Variants in NME3 observed in about 807,000 individuals in gnomAD.
The protein encoded by NME3 is NME/NM23 nucleoside diphosphate kinase 3.
Under a neutral mutation model 15.8 loss-of-function variants are expected in NME3, and 23 were observed. The observed-to-expected ratio is 1.45, with a 90% CI of 1.05 to 2.06. The LOEUF is 2.06. Ranked by LOEUF, NME3 falls within the 30% of genes most tolerant of loss-of-function variation. The pLI, the probability that NME3 is intolerant of heterozygous loss-of-function variation, is 0.00. For synonymous variants in NME3, 157 were observed against 104.4 expected (o/e 1.50, Z -3.07); for missense variants, 354 against 243.2 (o/e 1.46, Z -3.03).
chr16:1,770,394 G>C lies in NME3; in HGVS notation c.*255C>G, dbSNP rs1000080954. 1.2e-5 allele frequency: 5 copies of C among 410,100 alleles called. No individual in the cohort carries two copies. The highest frequency in any genetic ancestry group is 2.2e-5 in the Non-Finnish European group (5 of 231,606). The allele number at this position is 410,100 out of a possible 1,614,324, so 25.4% of individuals were successfully genotyped here. ...AAAAACGTTGGACCACGTTGGGCTG[G>C]GCACCAGGACAGTGTCCTGGCACGT... On this transcript the variant is annotated 3_prime_UTR_variant, in exon 5 of 5. Transcript: ENST00000219302.
intron 2 of NME3, 24 bp from the exon 3 acceptor site, chr16:1,771,195 C>A: frequency 1.3e-6 from 2 of 1,581,198 alleles, no homozygotes; most frequent in Non-Finnish European, 1.7e-6. Flanking sequence ...AGGCCGCCTG[C>A]GCCCGCACCC....
rs755623916 is a variant in NME3, at chr16:1,771,502, G to A, written c.33C>T (p.Asn11=). 4.8e-5 allele frequency: 63 copies of A among 1,309,132 alleles called. No individual in the cohort carries two copies. In the South Asian group the frequency reaches 8.2e-4, roughly 17 times the overall value. The allele number at this position is 1,309,132 out of a possible 1,614,324, so 81.1% of individuals were successfully genotyped here. The change falls in exon 1 of 5, where the codon AAC becomes AAT. Residue 11 remains asparagine, a synonymous_variant. Coordinates refer to ENST00000219302, the MANE Select transcript of NME3 (RefSeq NM_002513.3). ...CGCGCGGCTCACCCGCGGGGAAGAG[G>A]TTAGCGAAGATGGTCAGCACCAGGC... MICLVLTIFA[N]LFPAACTGAH... is the part of the protein sequence containing the mutation.
chr16:1,770,783 C>T lies in NME3; in HGVS notation c.393-17G>A. 3 of 1,596,188 alleles carry T rather than the reference C, an allele frequency of 1.9e-6. No homozygotes were observed. Among genetic ancestry groups the T allele is most frequent in the Non-Finnish European group, 2.6e-6 (3 of 1,170,814 alleles). On this transcript the variant is annotated splice_polypyrimidine_tract_variant and intron_variant, in intron 4 of 4. Transcript: ENST00000219302. ...ATCAGGTTCCTGCGCGGAAGAGGCG[C>T]GTGTGAGCGTGGGAAAGAGACCTCC...
In NME3 at chr16:1,770,569, G is replaced by A. The variant is rs1422409513; in HGVS notation, c.*80C>T. 2.8e-6 allele frequency: 3 copies of A among 1,079,844 alleles called. No individual in the cohort carries two copies. The African/African-American group carries it at 4.7e-5, about 17-fold the overall frequency. 66.9% of individuals were successfully genotyped at this position (1,079,844 alleles called of 1,614,324 possible). On this transcript the variant is annotated 3_prime_UTR_variant, in exon 5 of 5. Coordinates refer to ENST00000219302, the MANE Select transcript of NME3 (RefSeq NM_002513.3). ...TCCAAAGGGATGCTCCAAGCGCTGT[G>A]GGGTGGGGCCAGAAGCCCGCCCACC...
chr16:1,771,417 G>A lies in NME3; in HGVS notation c.47-7C>T. The A allele has an allele frequency of 2.6e-6, 4 of 1,533,724 alleles. No homozygotes were observed. Among genetic ancestry groups the A allele is most frequent in the East Asian group, 5.1e-5 (2 of 39,570 alleles). ...TCGTGTGCGCCGGTGCAGGCTGCGG[G>A]GCAGGCGGGGACGGGCCGTCAGGCC... is the stretch of plus-strand genomic sequence containing the variant. On this transcript the variant is annotated splice_polypyrimidine_tract_variant and splice_region_variant and intron_variant, in intron 1 of 4. Coordinates refer to ENST00000219302, the MANE Select transcript of NME3 (RefSeq NM_002513.3).
chr16:1,771,049 GCCCGCTT>G lies in NME3; in HGVS notation c.279+14_279+20del. On this transcript the variant is annotated intron_variant, in intron 3 of 4. Transcript: ENST00000219302. ...GGGGGTGGGGGTCCCGGAGCCGCCCGCCCGCTTCCCGGATACTCACCATGGCCACCAC... is the reference window on the plus strand; with the variant it reads ...GGGGGTGGGGGTCCCGGAGCCGCCCGCCCGGATACTCACCATGGCCACCAC... 6.3e-7 allele frequency: 1 copy of G among 1,598,840 alleles called. No homozygotes were observed. Among genetic ancestry groups the G allele is most frequent in the East Asian group, 2.3e-5 (1 of 44,382 alleles).
At position 1,771,142 on chromosome 16, in the gene NME3, G is replaced by T. The variant is rs963531975; in HGVS notation, c.207C>A (p.Tyr69Ter). Residue 69 changes from tyrosine to a stop codon, truncating the protein, a stop_gained, in exon 3 of 5, where the codon TAC (tyrosine) becomes TAA (stop). Transcript: ENST00000219302. LOFTEE classifies it high-confidence loss of function. Reference protein sequence around the residue: ...QASEELLREHYAELRERPFYG... With the variant: ...QASEELLREH The stretch of plus-strand genomic sequence containing the variant: ...AGAACGGGCGTTCACGCAGCTCGGC[G>T]TAGTGCTCACGCAGCAGCTCCTCGG... The T allele has an allele frequency of 2.5e-6, 4 of 1,607,436 alleles. No homozygotes were observed. The South Asian group carries it at 4.4e-5, about 18-fold the overall frequency.
chr16:1,770,927 C>A lies in NME3; in HGVS notation c.346G>T (p.Ala116Ser). 1 of 1,587,638 alleles carries A rather than the reference C, an allele frequency of 6.3e-7. No individual in the cohort carries two copies. Among genetic ancestry groups the A allele is most frequent in the South Asian group, 1.1e-5 (1 of 88,910 alleles). The change falls in exon 4 of 5, where the codon GCC (alanine) becomes TCC (serine). Residue 116 changes from alanine to serine, a missense_variant. Ala to Ser is a moderately conservative substitution (Grantham distance 99, BLOSUM62 1). Transcript: ENST00000219302. ...TCCCCGCGGATGGTGCCGGGCGGGG[C>A]GTCGGCCGGGTTCGTGGCTCCGATG... ...ALIGATNPAD[A>S]PPGTIRGDFC... is the part of the protein sequence containing the mutation.
rs1159771158 is a variant in NME3, at chr16:1,771,282, G to T, written c.175C>A (p.Gln59Lys). The T allele has an allele frequency of 6.2e-7, 1 of 1,602,162 alleles. No individual in the cohort carries two copies. Among genetic ancestry groups the T allele is most frequent in the Non-Finnish European group, 8.5e-7 (1 of 1,177,086 alleles). ...GFKLVALKLVQASEELLREHY... is the reference protein window; with the variant it reads ...GFKLVALKLVKASEELLREHY... ...CCGCTCGCTCACCGCGCCCCCACCT[G>T]CACCAGCTTCAGCGCCACCAACTTG... Residue 59 changes from glutamine (Q) to lysine (K), a missense_variant and splice_region_variant, in exon 2 of 5, where the codon CAG becomes AAG. Coordinates refer to ENST00000219302, the MANE Select transcript of NME3 (RefSeq NM_002513.3).
At chr16:1,770,842 G>T in intron 4 of NME3, 39 bp downstream of exon 4, 3 of 1,569,088 alleles carry the variant, frequency 1.9e-6, no homozygotes, top group Non-Finnish European at 1.7e-6. Flanking sequence ...ACAGGGGGAG[G>T]CCGGACGGGG....
Position 1,770,373 on chromosome 16 carries a change from A to G in NME3, c.*276T>C, listed in dbSNP as rs1255042612. ...AAAACGAGGACTTTATTATAAAAAA[A>G]CGTTGGACCACGTTGGGCTGGGCAC... On this transcript the variant is annotated 3_prime_UTR_variant, in exon 5 of 5. Coordinates refer to ENST00000219302, the MANE Select transcript of NME3 (RefSeq NM_002513.3). The G allele has an allele frequency of 2.6e-6, 1 of 388,526 alleles. No homozygotes were observed. The highest frequency in any genetic ancestry group is 2.1e-5 in the African/African-American group (1 of 48,306). 24.1% of individuals were successfully genotyped at this position (388,526 alleles called of 1,614,324 possible).
chr16:1,771,368 G>A lies in NME3; in HGVS notation c.89C>T (p.Pro30Leu), dbSNP rs760947468. The change falls in exon 2 of 5, where the codon CCG becomes CTG. Residue 30 changes from proline (P) to leucine (L), a missense_variant. Coordinates refer to ENST00000219302, the MANE Select transcript of NME3 (RefSeq NM_002513.3). Reference sequence around the variant, plus strand: ...CACCAGCCGCCGCTGCACGCCGTCCGGCTTCACGGCCAGGAAGGTGCGTTC... The same window carrying A: ...CACCAGCCGCCGCTGCACGCCGTCCAGCTTCACGGCCAGGAAGGTGCGTTC... ...AHERTFLAVK[P>L]DGVQRRLVGE... 12 of 1,576,696 alleles carry A rather than the reference G, an allele frequency of 7.6e-6. No individual in the cohort carries two copies. Among genetic ancestry groups the A allele is most frequent in the Non-Finnish European group, 1.0e-5 (12 of 1,162,770 alleles).
At position 1,771,029 on chromosome 16, in the gene NME3, T is replaced by G. The variant is rs1032796957; in HGVS notation, c.280-36A>C. ...GAACGGGCGCGGTATCACGCGGGGG[T>G]GGGGGTCCCGGAGCCGCCCGCCCGC... On this transcript the variant is annotated intron_variant, in intron 3 of 4. Coordinates refer to ENST00000219302, the MANE Select transcript of NME3 (RefSeq NM_002513.3). 4 of 1,593,492 alleles carry G rather than the reference T, an allele frequency of 2.5e-6. No homozygotes were observed. The African/African-American group carries it at 5.4e-5, about 21-fold the overall frequency.
rs754038407 is a variant in NME3 at position 1,771,304 on chromosome 16, C to T, written c.153G>A (p.Lys51=). Reference sequence around the variant, plus strand: ...CCTGCACCAGCTTCAGCGCCACCAACTTGAAGCCCTTCCTCTCGAAGCGCC... The same window carrying T: ...CCTGCACCAGCTTCAGCGCCACCAATTTGAAGCCCTTCCTCTCGAAGCGCC... ...IVRRFERKGF[K]LVALKLVQAS... Residue 51 remains lysine (K), a synonymous_variant, in exon 2 of 5, where the codon AAG becomes AAA. Transcript: ENST00000219302. 1 of 1,606,434 alleles carries T rather than the reference C, an allele frequency of 6.2e-7. No homozygotes were observed. The highest frequency in any genetic ancestry group is 8.5e-7 in the Non-Finnish European group (1 of 1,177,996).
At position 1,771,443 on chromosome 16, in the gene NME3, G is replaced by A. The variant is rs1281873568; in HGVS notation, c.47-33C>T. 3 of 1,404,200 alleles carry A rather than the reference G, an allele frequency of 2.1e-6. No homozygotes were observed. The African/African-American group carries it at 4.6e-5, about 21-fold the overall frequency. 87.0% of individuals were successfully genotyped at this position (1,404,200 alleles called of 1,614,324 possible). ...GCAGGCGGGGACGGGCCGTCAGGCC[G>A]GCCCAGCACCGGCCACCCGCCCCCG... On this transcript the variant is annotated intron_variant, in intron 1 of 4. Transcript: ENST00000219302.
Position 1,770,564 on chromosome 16 carries a change from G to C in NME3, c.*85C>G. 2.0e-6 allele frequency: 2 copies of C among 1,021,830 alleles called. No individual in the cohort carries two copies. Among genetic ancestry groups the C allele is most frequent in the Middle Eastern group, 3.2e-4 (1 of 3,164 alleles). 63.3% of individuals were successfully genotyped at this position (1,021,830 alleles called of 1,614,324 possible). ...GCCCGTCCAAAGGGATGCTCCAAGC[G>C]CTGTGGGGTGGGGCCAGAAGCCCGC... On this transcript the variant is annotated 3_prime_UTR_variant, in exon 5 of 5. Transcript: ENST00000219302.
Position 1,771,525 on chromosome 16 carries a change from G to A in NME3, c.10C>T (p.Leu4=), listed in dbSNP as rs1419542037. MIC[L]VLTIFANLFP... ...AGGTTAGCGAAGATGGTCAGCACCA[G>A]GCAGATCATGATGGCGGTGCGGGAG... Residue 4 remains leucine, a synonymous_variant, in exon 1 of 5, where the codon CTG becomes TTG. Coordinates refer to ENST00000219302, the MANE Select transcript of NME3 (RefSeq NM_002513.3). 1.2e-5 allele frequency: 14 copies of A among 1,205,864 alleles called. No individual in the cohort carries two copies. Among genetic ancestry groups the A allele is most frequent in the Admixed American group, 8.4e-5 (2 of 23,762 alleles). The allele number at this position is 1,205,864 out of a possible 1,614,324, so 74.7% of individuals were successfully genotyped here. A position where few individuals can be genotyped will look rare whatever the true frequency, so the allele number is the denominator to read the frequency against.
chr16:1,770,952 G>C lies in NME3; in HGVS notation c.321C>G (p.Leu107=), dbSNP rs11543214. ...GLDVVRTSRA[L]IGATNPADAP... is the part of the protein sequence containing the mutation. ...CGTCGGCCGGGTTCGTGGCTCCGATGAGCGCCCGCGAGGTGCGCACCACGT... is the reference window on the plus strand; with the variant it reads ...CGTCGGCCGGGTTCGTGGCTCCGATCAGCGCCCGCGAGGTGCGCACCACGT... Residue 107 remains leucine (L), a synonymous_variant, in exon 4 of 5, where the codon CTC becomes CTG. Coordinates refer to ENST00000219302, the MANE Select transcript of NME3 (RefSeq NM_002513.3). The C allele has an allele frequency of 6.3e-7, 1 of 1,585,338 alleles. No individual in the cohort carries two copies. The highest frequency in any genetic ancestry group is 1.1e-5 in the South Asian group (1 of 89,270).
At chr16:1,771,194 G>A (rs780060576) in intron 2 of NME3, 23 bp from the exon 3 acceptor site, 17 of 1,583,670 alleles carry the variant, frequency 1.1e-5, no homozygotes, top group Non-Finnish European at 1.4e-5. Context: ...CAGGCCGCCT[G>A]CGCCCGCACC....
Sources: gnomAD v4.1 joint callset for allele counts on GRCh38, gnomAD v4.1.1 for gene constraint, MANE v1.5 for transcripts, NCBI Gene and HGNC (gene_info 2026-07-23, HGNC 2026-07-21) for gene names.